CADPS: variants seen among roughly 807,000 people sequenced by gnomAD.
The protein encoded by CADPS is calcium dependent secretion activator.
In CADPS, 57 loss-of-function variants were observed where a neutral mutation model predicts 167.3. The ratio of observed to expected loss-of-function variants is 0.34; its 90% CI spans 0.28 to 0.42. The LOEUF (loss-of-function observed/expected upper bound fraction) is 0.42. CADPS is among the 20% of genes least tolerant of loss of function. CADPS has a pLI of 1.00. For synonymous variants in CADPS, 676 were observed against 635.3 expected (o/e 1.06, Z -0.96); for missense variants, 1,414 against 1,738.1 (o/e 0.81, Z 3.32).
intron 13 of CADPS, among the ~76,000 whole-genome samples, chr3:62,528,222 A>G (rs983503601): frequency 7.2e-5 from 11 of 152,216 alleles, no homozygotes; most frequent in African/African-American, 2.7e-4. Flanking sequence ...GAGTGGTTAC[A>G]AATGCAAGCA....
chr3:62,848,186 G>C (rs2077851550), intron 1 of CADPS, among the ~76,000 whole-genome samples: 1 of 144,094 alleles, frequency 6.9e-6, no homozygotes, highest in South Asian at 2.2e-4. Flanking sequence ...TTAGCCCTTT[G>C]TCAGATGAGT....
chr3:62,840,858 A>G (rs1029251755), intron 1 of CADPS, among the ~76,000 whole-genome samples: 5 of 152,218 alleles, frequency 3.3e-5, no homozygotes, highest in Non-Finnish European at 7.3e-5. Flanking sequence ...CAAATGATAC[A>G]GATTCTTGTT....
intron 1 of CADPS, among the ~76,000 whole-genome samples, chr3:62,854,661 G>C (rs2079301180): frequency 6.6e-6 from 1 of 152,134 alleles, no homozygotes. Context: ...GGTTGGCTGG[G>C]ATTGTGTAGT....
chr3:62,788,950 T>C (rs1290913441), intron 1 of CADPS, among the ~76,000 whole-genome samples: 1 of 152,188 alleles, frequency 6.6e-6, no homozygotes, highest in Non-Finnish European at 1.5e-5. Flanking sequence ...GAGGCTCCAA[T>C]ATTAATCTGG....
intron 4 of CADPS, among the ~76,000 whole-genome samples, chr3:62,654,689 C>A (rs75426185): frequency 6.6e-6 from 1 of 152,250 alleles, no homozygotes; most frequent in Non-Finnish European, 1.5e-5. Context: ...TCCCAAGAGC[C>A]TGAAACTCAT....
At chr3:62,597,070 A>G (rs779084064) in intron 6 of CADPS, among the ~76,000 whole-genome samples, 1 of 152,198 alleles carries the variant, frequency 6.6e-6, no homozygotes, top group African/African-American at 2.4e-5. Flanking sequence ...ATCTCTTTGC[A>G]TGGCTGGGTG....
chr3:62,664,152 G>A lies in CADPS; in HGVS notation c.889-1758C>T, dbSNP rs550026704. On this transcript the variant is annotated intron_variant, in intron 3 of 29. Transcript: ENST00000383710. ...CTCCTGAGTAGCTGGGATTACAGGC[G>A]CATGCCATTGTGCCCAGCTAATTTT... Among the ~76,000 whole-genome samples, 34 of 152,140 alleles carry A rather than the reference G, an allele frequency of 2.2e-4. No homozygotes were observed. The South Asian group carries it at 6.7e-3, about 30-fold the overall frequency.
intron 3 of CADPS, among the ~76,000 whole-genome samples, chr3:62,681,418 G>A (rs991730733): frequency 6.6e-6 from 1 of 152,048 alleles, no homozygotes; most frequent in Non-Finnish European, 1.5e-5. Context: ...TTAGAGACTG[G>A]CACAGGGCCT....
At chr3:62,539,448 G>A (rs1172450811) in intron 11 of CADPS, among the ~76,000 whole-genome samples, 1 of 151,886 alleles carries the variant, frequency 6.6e-6, no homozygotes, top group African/African-American at 2.4e-5. Context: ...ACTCAAGAGC[G>A]CTTACAAGGG....
Position 62,556,732 on chromosome 3 carries a change from A to G in CADPS, c.1753+673T>C, listed in dbSNP as rs2078214327. Among the ~76,000 whole-genome samples the G allele has an allele frequency of 2.0e-5, 3 of 151,842 alleles. No individual in the cohort carries two copies. The South Asian group carries it at 6.2e-4, about 32-fold the overall frequency. ...GGTGGGGGGAGAGGTGCGAGGGGGCAGGATGTAGAACTTATGCGGTGTAGA... is the reference window on the plus strand; with the variant it reads ...GGTGGGGGGAGAGGTGCGAGGGGGCGGGATGTAGAACTTATGCGGTGTAGA... On this transcript the variant is annotated intron_variant, in intron 10 of 29. Transcript: ENST00000383710.
chr3:62,720,693 A>G (rs77322789), intron 3 of CADPS, among the ~76,000 whole-genome samples: 11,339 of 152,122 alleles, frequency 0.075, 498 homozygotes, highest in South Asian at 0.16. Flanking sequence ...AGGCTCAAGG[A>G]AGCCAAGCAA....
chr3:62,530,206 AATAGGT>A (rs1283159423), intron 13 of CADPS, among the ~76,000 whole-genome samples: 1 of 152,206 alleles, frequency 6.6e-6, no homozygotes, highest in Non-Finnish European at 1.5e-5. Flanking sequence ...ATGTAGAACT[AATAGGT>A]ATTTGCTGAA....
intron 17 of CADPS, among the ~76,000 whole-genome samples, chr3:62,502,540 C>T (rs1301684123): frequency 6.6e-6 from 1 of 152,098 alleles, no homozygotes; most frequent in Non-Finnish European, 1.5e-5. Flanking sequence ...TTGCATATGT[C>T]AGACATAGCT....
chr3:62,479,616 T>C (rs1434920730), intron 22 of CADPS, among the ~76,000 whole-genome samples: 1 of 152,264 alleles, frequency 6.6e-6, no homozygotes, highest in East Asian at 1.9e-4. Flanking sequence ...GCCTACGGCC[T>C]GGACCAACAG....
At chr3:62,618,888 T>TA (rs1376649677) in intron 6 of CADPS, among the ~76,000 whole-genome samples, 1 of 152,170 alleles carries the variant, frequency 6.6e-6, no homozygotes, top group Non-Finnish European at 1.5e-5. Context: ...AAGTACTAGA[T>TA]AAAAAAGATC....
intron 18 of CADPS, among the ~76,000 whole-genome samples, chr3:62,497,185 C>A (rs1463297919): frequency 2.6e-5 from 4 of 152,122 alleles, no homozygotes; most frequent in Non-Finnish European, 4.4e-5. Context: ...TTTGGTGTTT[C>A]TTTTGAGCAA....
At chr3:62,787,145 A>G (rs757678525) in intron 1 of CADPS, among the ~76,000 whole-genome samples, 1 of 151,972 alleles carries the variant, frequency 6.6e-6, no homozygotes, top group East Asian at 1.9e-4. Context: ...AATATAAAAA[A>G]TTAGCCGGGC....
chr3:62,605,008 G>T (rs1317851710), intron 6 of CADPS, among the ~76,000 whole-genome samples: 1 of 152,150 alleles, frequency 6.6e-6, no homozygotes, highest in Non-Finnish European at 1.5e-5. Context: ...TGTTTGTTAT[G>T]GTTGCAACTG....
chr3:62,521,716 T>C (rs1335895935), intron 13 of CADPS, among the ~76,000 whole-genome samples: 1 of 152,198 alleles, frequency 6.6e-6, no homozygotes, highest in Non-Finnish European at 1.5e-5. Flanking sequence ...ATTCTGGTCT[T>C]CTTGCTTTCA....
Sources: allele counts gnomAD v4.1 joint callset (sites outside exome capture counted in the v4.1 genomes callset), GRCh38; gene constraint gnomAD v4.1.1; transcripts MANE v1.5; gene names NCBI Gene and HGNC (gene_info 2026-07-23, HGNC 2026-07-21).